SRCIN1: variants seen among roughly 807,000 people sequenced by gnomAD.
The protein encoded by SRCIN1 is P130Cas-associated protein.
Under a neutral mutation model 116.2 loss-of-function variants are expected in SRCIN1, and 50 were observed. The observed-to-expected ratio is 0.43, with a 90% CI of 0.34 to 0.54. SRCIN1 has a LOEUF of 0.54. Ranked by LOEUF, SRCIN1 falls within the 20% of genes least tolerant of loss-of-function variation. The probability of loss-of-function intolerance (pLI) is 0.02; values close to 1 mark genes in which losing one functional copy is unlikely to be tolerated. For synonymous variants in SRCIN1, 736 were observed against 750.0 expected (o/e 0.98, Z 0.30); for missense variants, 1,446 against 1,672.0 (o/e 0.86, Z 2.36).
In SRCIN1 at chr17:38,561,612, G is replaced by C. The variant is rs768207450; in HGVS notation, c.1551C>G (p.Ser517=). 6.3e-7 allele frequency: 1 copy of C among 1,589,704 alleles called. No homozygotes were observed. Among genetic ancestry groups the C allele is most frequent in the Non-Finnish European group, 8.6e-7 (1 of 1,168,280 alleles). The change falls in exon 7 of 19, where the codon TCC becomes TCG. Residue 517 remains serine, a synonymous_variant. Transcript: ENST00000617146. ...QSFRKDSGSS[S]VFAESPGGKT... is the part of the protein sequence containing the mutation. ...TCCCTCCAGGACTCTCGGCAAAGAC[G>C]GACGAGGAGCCCGAGTCCTTGCGGA...
chr17:38,580,125 C>T (rs141053785), intron 1 of SRCIN1, among the ~76,000 whole-genome samples: 65 of 152,234 alleles, frequency 4.3e-4, no homozygotes, highest in African/African-American at 1.5e-3. Flanking sequence ...CGGCTGGAAA[C>T]GCTGGAAACC....
At chr17:38,579,949 G>A (rs897043497) in intron 1 of SRCIN1, among the ~76,000 whole-genome samples, 14 of 152,140 alleles carry the variant, frequency 9.2e-5, no homozygotes, top group African/African-American at 3.4e-4. Context: ...GACAAGCACA[G>A]CCTCTCCTGC....
At chr17:38,573,632 T>C (rs1235710733) in intron 2 of SRCIN1, among the ~76,000 whole-genome samples, 1 of 152,166 alleles carries the variant, frequency 6.6e-6, no homozygotes. Flanking sequence ...CTCACTCCTG[T>C]CCATCATCCA....
Position 38,562,087 on chromosome 17 carries a change from TGGGCGGCCG to T in SRCIN1, c.1067_1075del (p.Pro356_Ala358del). 6.9e-7 allele frequency: 1 copy of T among 1,446,176 alleles called. No homozygotes were observed. Among genetic ancestry groups the T allele is most frequent in the Non-Finnish European group, 9.0e-7 (1 of 1,106,048 alleles). The allele number at this position is 1,446,176 out of a possible 1,614,324, so 89.6% of individuals were successfully genotyped here. A position where few individuals can be genotyped will look rare whatever the true frequency, so the allele number is the denominator to read the frequency against. On this transcript the variant is annotated inframe_deletion, in exon 7 of 19. Coordinates refer to ENST00000617146, the MANE Select transcript of SRCIN1 (RefSeq NM_025248.3). The surrounding 1 kb of genome is among the most constrained non-coding windows in gnomAD (Gnocchi z 4.2). ...GGCGCTGGGGCTGGGGCTGACGCCC[TGGGCGGCCG>T]GGGCGCCTCCCAGCCTCTCGGCCGC...
intron 18 of SRCIN1, among the ~76,000 whole-genome samples, chr17:38,536,039 C>T (rs555645507): frequency 6.6e-6 from 1 of 152,350 alleles, no homozygotes; most frequent in Admixed American, 6.5e-5. Flanking sequence ...GTGCCTTCAC[C>T]CAGTTGAGGT....
At chr17:38,573,031 G>A (rs970213318) in intron 2 of SRCIN1, among the ~76,000 whole-genome samples, 1 of 152,138 alleles carries the variant, frequency 6.6e-6, no homozygotes, top group Non-Finnish European at 1.5e-5. Context: ...CTGGCGCCCG[G>A]GACTCGGGTT....
chr17:38,606,307 C>T (rs1304804314), upstream of SRCIN1, among the ~76,000 whole-genome samples: 2 of 145,834 alleles, frequency 1.4e-5, no homozygotes, highest in African/African-American at 5.0e-5. The surrounding 1 kb of genome is among the most constrained non-coding windows in gnomAD (Gnocchi z 5.2). Flanking sequence ...TCTCCAAGCC[C>T]GGGCGCGCCT....
At chr17:38,554,137 G>C (rs1359712800) in intron 11 of SRCIN1, among the ~76,000 whole-genome samples, 1 of 152,084 alleles carries the variant, frequency 6.6e-6, no homozygotes, top group Admixed American at 6.5e-5. Context: ...CTTGAACCCA[G>C]GAGGCGGAGG....
intron 17 of SRCIN1, chr17:38,545,337 T>C (rs1376287475): frequency 4.8e-5 from 7 of 145,062 alleles, no homozygotes; most frequent in African/African-American, 1.7e-4. Context: ...TCTGAGGTCT[T>C]GGGGTGGGAG....
chr17:38,566,511 G>T (rs1017472233), intron 3 of SRCIN1, among the ~76,000 whole-genome samples: 115 of 152,208 alleles, frequency 7.6e-4, no homozygotes, highest in Non-Finnish European at 2.1e-4. Flanking sequence ...CAAGACAGGA[G>T]AGGGACCACC....
intron 11 of SRCIN1, among the ~76,000 whole-genome samples, chr17:38,553,447 T>A (rs1166714085): frequency 6.6e-6 from 1 of 152,116 alleles, no homozygotes; most frequent in African/African-American, 2.4e-5. Flanking sequence ...CATCCCCTGA[T>A]TCTATTCTGC....
intron 1 of SRCIN1, among the ~76,000 whole-genome samples, chr17:38,595,112 T>C (rs1461006360): frequency 1.3e-5 from 2 of 152,098 alleles, no homozygotes; most frequent in Non-Finnish European, 2.9e-5. Flanking sequence ...AACCTCTACT[T>C]GCTCAACACT....
chr17:38,552,307 T>TCACAGGGCAGAGCTGAGGTGCCAGTC lies in SRCIN1; in HGVS notation c.2480+114_2480+139dup, dbSNP rs1567858891. 1 of 1,413,216 alleles carries TCACAGGGCAGAGCTGAGGTGCCAGTC rather than the reference T, an allele frequency of 7.1e-7. No homozygotes were observed. The highest frequency in any genetic ancestry group is 9.4e-7 in the Non-Finnish European group (1 of 1,060,712). The allele number at this position is 1,413,216 out of a possible 1,614,324, so 87.5% of individuals were successfully genotyped here. On this transcript the variant is annotated intron_variant, in intron 13 of 18. Transcript: ENST00000617146. This position sits in a 1 kb window ranked among gnomAD's most constrained non-coding sequence, Gnocchi z 5.3. Reference sequence around the variant, plus strand: ...AAGCCAGGTCTACAGCATGCAGGGGTCACAGGGCAGAGCTGAGGTGCCAGT... The same window carrying TCACAGGGCAGAGCTGAGGTGCCAGTC: ...AAGCCAGGTCTACAGCATGCAGGGGTCACAGGGCAGAGCTGAGGTGCCAGTCCACAGGGCAGAGCTGAGGTGCCAGT...
At chr17:38,603,856 G>A (rs1030140215) in intron 1 of SRCIN1, among the ~76,000 whole-genome samples, 6 of 152,122 alleles carry the variant, frequency 3.9e-5, no homozygotes, top group African/African-American at 1.4e-4. Context: ...GCAACTCTCA[G>A]CTTGCCTGGA....
intron 18 of SRCIN1, among the ~76,000 whole-genome samples, chr17:38,537,370 C>T (rs1904451695): frequency 1.3e-5 from 2 of 151,820 alleles, no homozygotes; most frequent in Non-Finnish European, 2.9e-5. Flanking sequence ...GGCTTGATGG[C>T]GCCACCTGCA....
intron 18 of SRCIN1, among the ~76,000 whole-genome samples, chr17:38,533,968 T>TCCACCA (rs142815334): frequency 6.6e-5 from 10 of 151,862 alleles, no homozygotes; most frequent in South Asian, 2.1e-4. Context: ...AAAGACCCCG[T>TCCACCA]CCACCACCAC....
At position 38,530,111 on chromosome 17, in the gene SRCIN1, G is replaced by A. The variant is rs2040899508; in HGVS notation, c.*3186C>T. 6.6e-6 allele frequency: 1 copy of A among 152,174 alleles called. No individual in the cohort carries two copies. Among genetic ancestry groups the A allele is most frequent in the African/African-American group, 2.4e-5 (1 of 41,430 alleles). The allele number at this position is 152,174 out of a possible 1,614,324, so 9.4% of individuals were successfully genotyped here. ...AAAGGAAAGAGAGCAGGGAGCGGGG[G>A]AGAAGAAAAAAGGACATTAAAAAAG... On this transcript the variant is annotated 3_prime_UTR_variant, in exon 19 of 19. Coordinates refer to ENST00000617146, the MANE Select transcript of SRCIN1 (RefSeq NM_025248.3).
In SRCIN1 at chr17:38,561,792, G is replaced by A. The variant is rs1395625624; in HGVS notation, c.1371C>T (p.Gly457=). The change falls in exon 7 of 19, where the codon GGC becomes GGT. Residue 457 remains glycine (G), a synonymous_variant. Coordinates refer to ENST00000617146, the MANE Select transcript of SRCIN1 (RefSeq NM_025248.3). The part of the protein sequence containing the change: ...LEDSLYKAAG[G]GGPLYGDGYG... ...AGCCGTCGCCGTACAGCGGGCCGCC[G>A]CCGCCCGCCGCCTTGTACAGGGAGT... 4.0e-6 allele frequency: 6 copies of A among 1,482,456 alleles called. No homozygotes were observed. Among genetic ancestry groups the A allele is most frequent in the East Asian group, 2.7e-5 (1 of 37,674 alleles). The allele number at this position is 1,482,456 out of a possible 1,614,324, so 91.8% of individuals were successfully genotyped here.
At chr17:38,595,295 G>A (rs1163375528) in intron 1 of SRCIN1, among the ~76,000 whole-genome samples, 2 of 151,922 alleles carry the variant, frequency 1.3e-5, no homozygotes, top group Non-Finnish European at 2.9e-5. Context: ...TCGGCTCACT[G>A]CAACCTCTGC....
Sources: gnomAD v4.1 joint callset for allele counts (sites outside exome capture counted in the v4.1 genomes callset) on GRCh38, gnomAD v4.1.1 for gene constraint, Gnocchi (gnomAD v3.1) non-coding constraint, MANE v1.5 for transcripts, NCBI Gene and HGNC (gene_info 2026-07-23, HGNC 2026-07-21) for gene names.